CDON: variants seen among roughly 807,000 people sequenced by gnomAD.
CDON encodes cell adhesion molecule-related/down-regulated by oncogenes.
In CDON, 73 loss-of-function variants were observed where a neutral mutation model predicts 120.9. That is an observed-to-expected ratio of 0.60 (90% CI 0.50 to 0.73). CDON has a LOEUF of 0.73. Among genes scored for constraint, CDON ranks in the 30% least tolerant of loss-of-function variants. The pLI is 0.00. For missense variants in CDON, 1,470 were observed against 1,587.3 expected (o/e 0.93, Z 1.26); for synonymous variants, 566 against 573.5 (o/e 0.99, Z 0.19).
At chr11:126,028,821 ATG>A (rs147411181) in intron 1 of CDON, among the ~76,000 whole-genome samples, 3 of 149,972 alleles carry the variant, frequency 2.0e-5, no homozygotes, top group Admixed American at 1.3e-4. Flanking sequence ...GTGTATATGT[ATG>A]TGTGTGTGTG....
chr11:125,967,446 T>C (rs1945837534), intron 18 of CDON, among the ~76,000 whole-genome samples: 1 of 152,208 alleles, frequency 6.6e-6, no homozygotes, highest in South Asian at 2.1e-4. Flanking sequence ...CTATTATCTG[T>C]CTGCTTCAAA....
chr11:125,998,539 C>T (rs910701066), intron 11 of CDON, among the ~76,000 whole-genome samples: 1 of 152,054 alleles, frequency 6.6e-6, no homozygotes, highest in Non-Finnish European at 1.5e-5. Context: ...TGGTGCCATG[C>T]CTGCATAGCC....
intron 5 of CDON, 67 bp downstream of exon 5, chr11:126,018,263 T>C (rs1261601906): frequency 6.0e-6 from 9 of 1,492,584 alleles, no homozygotes; most frequent in Non-Finnish European, 6.5e-6. Flanking sequence ...AAAAATGAAC[T>C]ATCATTGCCC....
At position 125,960,966 on chromosome 11, in the gene CDON, G is replaced by A. The variant is rs1298454895; in HGVS notation, c.3771C>T (p.Val1257=). 1.9e-6 allele frequency: 3 copies of A among 1,614,104 alleles called. No individual in the cohort carries two copies. Among genetic ancestry groups the A allele is most frequent in the Admixed American group, 1.7e-5 (1 of 60,008 alleles). The change falls in exon 20 of 20, where the codon GTC becomes GTT. Residue 1257 remains valine (V), a synonymous_variant. Coordinates refer to ENST00000531738, the MANE Select transcript of CDON (RefSeq NM_001378964.1). ...PGIPLDSPTE[V]LQQPRET is the part of the protein sequence containing the mutation. ...CTCAGGTTTCCCGGGGCTGCTGAAGGACCTCTGTCGGGCTGTCTAAAGGAA... is the reference window on the plus strand; with the variant it reads ...CTCAGGTTTCCCGGGGCTGCTGAAGAACCTCTGTCGGGCTGTCTAAAGGAA...
chr11:126,035,541 T>G (rs193213785), intron 1 of CDON, among the ~76,000 whole-genome samples: 1 of 152,090 alleles, frequency 6.6e-6, no homozygotes, highest in Non-Finnish European at 1.5e-5. Flanking sequence ...CATCCTACCA[T>G]GGAAGAGAGG....
intron 18 of CDON, among the ~76,000 whole-genome samples, chr11:125,971,776 A>G (rs1187479990): frequency 2.0e-5 from 3 of 152,072 alleles, no homozygotes; most frequent in Non-Finnish European, 4.4e-5. Context: ...CGGTCCGTTC[A>G]TCTGTGAATT....
intron 18 of CDON, among the ~76,000 whole-genome samples, chr11:125,963,885 G>A (rs748884073): frequency 6.6e-6 from 1 of 152,174 alleles, no homozygotes; most frequent in African/African-American, 2.4e-5. Context: ...AGAAAGCTCT[G>A]GTGCAGAAGG....
At chr11:126,022,370 C>CA (rs1464575565) in intron 2 of CDON, among the ~76,000 whole-genome samples, 1 of 152,136 alleles carries the variant, frequency 6.6e-6, no homozygotes, top group African/African-American at 2.4e-5. Flanking sequence ...TAGGAAGCCA[C>CA]AATTGAAATA....
intron 18 of CDON, among the ~76,000 whole-genome samples, chr11:125,976,546 A>G (rs1172706566): frequency 1.4e-5 from 2 of 146,818 alleles, no homozygotes; most frequent in African/African-American, 2.6e-5. Context: ...GTCTTAAAGG[A>G]AAAAAAAACT....
intron 18 of CDON, among the ~76,000 whole-genome samples, chr11:125,966,988 T>C (rs1319718303): frequency 6.6e-6 from 1 of 151,552 alleles, no homozygotes; most frequent in Non-Finnish European, 1.5e-5. Context: ...TTAAGGGAAG[T>C]TCTTCAAGTT....
At chr11:126,016,559 A>C (rs1947474385) in intron 6 of CDON, among the ~76,000 whole-genome samples, 1 of 151,986 alleles carries the variant, frequency 6.6e-6, no homozygotes, top group Admixed American at 6.6e-5. Context: ...CAGCCTCCCA[A>C]GTAGCTGGGA....
intron 1 of CDON, among the ~76,000 whole-genome samples, chr11:126,052,013 T>C (rs1158443792): frequency 6.6e-6 from 1 of 152,146 alleles, no homozygotes; most frequent in Non-Finnish European, 1.5e-5. Context: ...TCAATTGTGT[T>C]TGCTAGCCTA....
In CDON at chr11:125,981,963, C is replaced by CTTTTTTTTTTT. The variant is rs1565501813; in HGVS notation, c.2996-635_2996-634insAAAAAAAAAAA. 1.8e-3 allele frequency among the ~76,000 whole-genome samples: 61 copies of CTTTTTTTTTTT among 34,140 alleles called. 3 individuals carry two copies. The highest frequency in any genetic ancestry group is 6.8e-3 in the East Asian group (6 of 884). 22.4% of individuals were successfully genotyped at this position (34,140 alleles called of 152,430 possible). A position where few individuals can be genotyped will look rare whatever the true frequency, so the allele number is the denominator to read the frequency against. ...GGAGTACCAAAGGCAAAAAGTGATT[C>CTTTTTTTTTTT]TATTTTCTTTTTTTTTTTTTTTTTT... On this transcript the variant is annotated intron_variant, in intron 16 of 19. Transcript: ENST00000531738.
chr11:125,976,696 C>T (rs1404077833), intron 18 of CDON, among the ~76,000 whole-genome samples: 1 of 151,876 alleles, frequency 6.6e-6, no homozygotes, highest in Non-Finnish European at 1.5e-5. Flanking sequence ...TCATATAAGT[C>T]CTTCTAAGGA....
intron 18 of CDON, among the ~76,000 whole-genome samples, chr11:125,970,333 C>T (rs1369214824): frequency 1.3e-5 from 2 of 151,834 alleles, no homozygotes; most frequent in East Asian, 1.9e-4. Context: ...CGCCACCACG[C>T]CTGGCTGATT....
intron 2 of CDON, 131 bp downstream of exon 2, chr11:126,023,270 A>C: frequency 1.3e-6 from 1 of 788,054 alleles, no homozygotes; most frequent in South Asian, 1.4e-5. Context: ...TAAATCATGT[A>C]GTTGGTCAAA....
chr11:126,005,523 T>G (rs1947094613), intron 9 of CDON: 1 of 567,530 alleles, frequency 1.8e-6, no homozygotes, highest in Non-Finnish European at 3.2e-6. Flanking sequence ...TGAATACACA[T>G]GTAAAGACAT....
At chr11:126,003,843 C>T in intron 10 of CDON, 59 bp downstream of exon 10, 3 of 1,411,704 alleles carry the variant, frequency 2.1e-6, no homozygotes, top group Middle Eastern at 2.0e-4. Flanking sequence ...TAATAATTCT[C>T]ACTAATAAAT....
chr11:126,037,673 T>G (rs890215694), intron 1 of CDON, among the ~76,000 whole-genome samples: 2 of 152,106 alleles, frequency 1.3e-5, no homozygotes, highest in Non-Finnish European at 2.9e-5. Context: ...TATAAAAAAG[T>G]TTCAAAACAT....
Sources: gnomAD v4.1 joint callset for allele counts (sites outside exome capture counted in the v4.1 genomes callset) on GRCh38, gnomAD v4.1.1 for gene constraint, MANE v1.5 for transcripts, NCBI Gene and HGNC (gene_info 2026-07-23, HGNC 2026-07-21) for gene names.